The following DLG3 variants were observed in gnomAD, a reference collection of about 807,000 sequenced individuals.
The protein encoded by DLG3 is disks large homolog 3.
A neutral mutation model predicts 64.1 loss-of-function variants in DLG3; 1 was observed. That is an observed-to-expected ratio of 0.02 (90% confidence interval 0.01 to 0.07). The LOEUF is 0.07. Ranked by LOEUF, DLG3 falls within the 10% of genes least tolerant of loss-of-function variation. The pLI, the probability that DLG3 is intolerant of heterozygous loss-of-function variation, is 1.00. For missense variants in DLG3, 429 were observed against 669.5 expected, an observed-to-expected ratio of 0.64 and a Z score of 3.96; for synonymous variants, 245 against 259.8, an observed-to-expected ratio of 0.94 and a Z score of 0.55.
chrX:70,450,672 G>A lies in DLG3; in HGVS notation c.874G>A (p.Glu292Lys), dbSNP rs1328020795. The change falls in exon 6 of 19, where the codon GAG becomes AAG. Residue 292 changes from glutamate (E) to lysine (K), a missense_variant. Physicochemically the swap from Glu to Lys is moderately conservative, Grantham distance 56. Coordinates refer to ENST00000374360, the MANE Select transcript of DLG3 (RefSeq NM_021120.4). ...CACCAATCTGCAGGATGTGAGGCAC[G>A]AGGAAGCTGTGGCCTCACTGAAGAA... Reference protein sequence around the residue: ...NNTNLQDVRHEEAVASLKNTS... With the variant: ...NNTNLQDVRHKEAVASLKNTS... The A allele has an allele frequency of 3.3e-6, 4 of 1,211,535 alleles. No homozygotes were observed. Among genetic ancestry groups the A allele is most frequent in the Non-Finnish European group, 3.4e-6 (3 of 895,344 alleles).
chrX:70,449,073 G>A (rs2086593275), intron 2 of DLG3, 110 bp downstream of exon 2: 6 of 937,630 alleles, frequency 6.4e-6, no homozygotes, highest in East Asian at 3.2e-5. Context: ...TGCATTTAGA[G>A]GATGGTGAAA....
chrX:70,498,599 G>A lies in DLG3; in HGVS notation c.1870+29G>A, dbSNP rs6625617. The A allele has an allele frequency of 1.4e-3, 1,612 of 1,180,433 alleles. 31 individuals carry two copies. Among genetic ancestry groups the A allele is most frequent in the Non-Finnish European group, 2.5e-4 (221 of 873,394 alleles). On this transcript the variant is annotated intron_variant, in intron 14 of 18. Coordinates refer to ENST00000374360, the MANE Select transcript of DLG3 (RefSeq NM_021120.4). Reference sequence around the variant, plus strand: ...AGCCTCCTCTGAGAGCCTTGTCTTCGTGCTGGTCTCCTGGTCGTGGGGCTC... The same window carrying A: ...AGCCTCCTCTGAGAGCCTTGTCTTCATGCTGGTCTCCTGGTCGTGGGGCTC...
At chrX:70,450,005 C>A in intron 4 of DLG3, 146 bp downstream of exon 4, 1 of 967,009 alleles carries the variant, frequency 1.0e-6, no homozygotes. Context: ...GACCTCAGGC[C>A]TCACCCTTAC....
chrX:70,464,108 C>T (rs1196348057), intron 9 of DLG3, among the ~76,000 whole-genome samples: 1 of 111,072 alleles, frequency 9.0e-6, no homozygotes, highest in Non-Finnish European at 1.9e-5. Context: ...TCAAGGAGTC[C>T]TTCCACCTCA....
intron 10 of DLG3, among the ~76,000 whole-genome samples, chrX:70,487,843 G>A (rs1014072805): frequency 3.7e-5 from 4 of 108,699 alleles, no homozygotes; most frequent in Admixed American, 9.9e-5. Context: ...TAGAGACAGG[G>A]TTTCTCCATG....
chrX:70,472,795 T>C (rs2086992153), intron 9 of DLG3, among the ~76,000 whole-genome samples: 1 of 112,099 alleles, frequency 8.9e-6, no homozygotes, highest in Non-Finnish European at 1.9e-5. Context: ...TATCTGATCA[T>C]GTCCTTCCGT....
intron 9 of DLG3, 87 bp from the exon 10 acceptor site, chrX:70,479,063 T>G: frequency 1.1e-6 from 1 of 884,259 alleles, no homozygotes; most frequent in East Asian, 3.1e-5. Context: ...CCAAGGGGCC[T>G]TCTGGCTTTT....
intron 10 of DLG3, among the ~76,000 whole-genome samples, chrX:70,490,530 G>T (rs1325100207): frequency 8.9e-6 from 1 of 112,357 alleles, no homozygotes; most frequent in African/African-American, 3.2e-5. Context: ...TTTTGTTAGA[G>T]TTTGGGTATT....
intron 7 of DLG3, chrX:70,452,313 G>A (rs1190212062): frequency 1.9e-6 from 2 of 1,033,158 alleles, no homozygotes; most frequent in Admixed American, 4.3e-5. Context: ...AGGGGGCTGA[G>A]GAGGCGAGGG....
At chrX:70,471,149 C>T (rs892310226) in intron 9 of DLG3, among the ~76,000 whole-genome samples, 4 of 110,025 alleles carry the variant, frequency 3.6e-5, no homozygotes, top group Admixed American at 2.9e-4. Flanking sequence ...GGGTGCAGAT[C>T]GCCACACTAA....
Position 70,444,993 on chromosome X carries a change from G to C in DLG3, c.-209G>C, listed in dbSNP as rs1280897320. The C allele has an allele frequency of 8.0e-6, 2 of 250,983 alleles. No individual in the cohort carries two copies. The highest frequency in any genetic ancestry group is 1.4e-5 in the Non-Finnish European group (2 of 142,600). 20.7% of individuals were successfully genotyped at this position (250,983 alleles called of 1,213,427 possible). A position where few individuals can be genotyped will look rare whatever the true frequency, so the allele number is the denominator to read the frequency against. ...GTGCTGGAGGGGGAGCCGTGGGTGC[G>C]GGGCAGCGTGGGGGCCGAGGCCCCG... On this transcript the variant is annotated 5_prime_UTR_variant, in exon 1 of 19. Coordinates refer to ENST00000374360, the MANE Select transcript of DLG3 (RefSeq NM_021120.4).
intron 12 of DLG3, among the ~76,000 whole-genome samples, chrX:70,493,990 A>C (rs1346112099): frequency 8.9e-6 from 1 of 112,353 alleles, no homozygotes; most frequent in African/African-American, 3.2e-5. Context: ...ATGCACGTGC[A>C]TAAGCATACA....
At chrX:70,448,183 C>T (rs750983416) in intron 1 of DLG3, among the ~76,000 whole-genome samples, 8 of 112,430 alleles carry the variant, frequency 7.1e-5, no homozygotes, top group Non-Finnish European at 1.3e-4. Flanking sequence ...TGAAGACTCA[C>T]GAGGTGCTCC....
intron 1 of DLG3, 110 bp from the exon 2 acceptor site, chrX:70,448,803 G>C (rs779074825): frequency 3.4e-5 from 35 of 1,018,140 alleles, no homozygotes; most frequent in Non-Finnish European, 4.6e-5. Flanking sequence ...GACCTGGGGT[G>C]CACTTGGGCT....
At chrX:70,452,914 C>T (rs1238670803) in intron 7 of DLG3, 1 of 498,535 alleles carries the variant, frequency 2.0e-6, no homozygotes, top group African/African-American at 2.4e-5. Context: ...GGAACGTGCC[C>T]TGGGAGTTGG....
chrX:70,505,399 C>A lies in DLG3; in HGVS notation c.*3130C>A, dbSNP rs947536074. ...GTTGCTGACATTGCAGCTGATCATG[C>A]CTTGACTCCTTCATCTCTAACAGAG... is the stretch of plus-strand genomic sequence containing the variant. On this transcript the variant is annotated 3_prime_UTR_variant, in exon 19 of 19. Transcript: ENST00000374360. 21 of 112,237 alleles carry A rather than the reference C, an allele frequency of 1.9e-4. No individual in the cohort carries two copies. Among genetic ancestry groups the A allele is most frequent in the African/African-American group, 6.1e-4 (19 of 30,911 alleles). The allele number at this position is 112,237 out of a possible 1,213,427, so 9.2% of individuals were successfully genotyped here. A position where few individuals can be genotyped will look rare whatever the true frequency, so the allele number is the denominator to read the frequency against.
At chrX:70,492,304 G>A (rs1431685547) in intron 11 of DLG3, 21 bp downstream of exon 11, 2 of 1,207,558 alleles carry the variant, frequency 1.7e-6, no homozygotes, top group African/African-American at 3.5e-5. Context: ...ATGATCATGA[G>A]CAAGGCCTTT....
At chrX:70,478,488 T>A (rs2087095771) in intron 9 of DLG3, among the ~76,000 whole-genome samples, 1 of 111,442 alleles carries the variant, frequency 9.0e-6, no homozygotes, top group African/African-American at 3.3e-5. Context: ...GAATTTATGT[T>A]TTAATGTATG....
At chrX:70,480,718 G>A (rs1602951474) in intron 10 of DLG3, among the ~76,000 whole-genome samples, 1 of 112,361 alleles carries the variant, frequency 8.9e-6, no homozygotes, top group Non-Finnish European at 1.9e-5. Flanking sequence ...GGATTGTTCC[G>A]TTCCGTGCTT....
Sources: allele counts gnomAD v4.1 joint callset (sites outside exome capture counted in the v4.1 genomes callset), GRCh38; gene constraint gnomAD v4.1.1; transcripts MANE v1.5; gene names NCBI Gene and HGNC (gene_info 2026-07-23, HGNC 2026-07-21).